PTPRD: variants seen among roughly 807,000 people sequenced by gnomAD.
PTPRD encodes the protein receptor-type tyrosine-protein phosphatase delta.
A neutral mutation model predicts 214.5 loss-of-function variants in PTPRD; 34 were observed. The ratio of observed to expected loss-of-function variants is 0.16; its 90% confidence interval spans 0.12 to 0.21. The LOEUF is 0.21. Among genes scored for constraint, PTPRD ranks in the 10% least tolerant of loss-of-function variants. The pLI is 1.00. For synonymous variants in PTPRD, 1,128 were observed against 845.7 expected (o/e 1.33, Z -5.79); for missense variants, 2,545 against 2,398.7 (o/e 1.06, Z -1.27).
At chr9:8,967,170 A>G (rs1343139336) in intron 11 of PTPRD, among the ~76,000 whole-genome samples, 1 of 151,948 alleles carries the variant, frequency 6.6e-6, no homozygotes, top group Non-Finnish European at 1.5e-5. Context: ...AGGTTGTGGA[A>G]AAAAGGGAAT....
intron 11 of PTPRD, among the ~76,000 whole-genome samples, chr9:8,941,771 G>A (rs1028667788): frequency 1.3e-4 from 19 of 151,034 alleles, no homozygotes; most frequent in Admixed American, 1.0e-3. Context: ...GTTGGTTAAC[G>A]TAAAACAGAT....
chr9:9,587,841 C>G (rs2092255712), intron 7 of PTPRD, among the ~76,000 whole-genome samples: 1 of 151,814 alleles, frequency 6.6e-6, no homozygotes, highest in South Asian at 2.1e-4. Context: ...ATAGTAGGGA[C>G]TGGGATGGGT....
chr9:10,082,519 G>C (rs2098256944), intron 3 of PTPRD, among the ~76,000 whole-genome samples: 1 of 151,986 alleles, frequency 6.6e-6, no homozygotes, highest in South Asian at 2.1e-4. Context: ...AGCAAGTACT[G>C]TGAATTACAA....
At chr9:9,034,056 T>C (rs2154378747) in intron 10 of PTPRD, among the ~76,000 whole-genome samples, 1 of 152,244 alleles carries the variant, frequency 6.6e-6, no homozygotes, top group South Asian at 2.1e-4. Context: ...AAGGCTTAAA[T>C]ATTACTCTTT....
intron 9 of PTPRD, among the ~76,000 whole-genome samples, chr9:9,289,295 C>A (rs776978299): frequency 7.9e-5 from 12 of 151,854 alleles, no homozygotes; most frequent in African/African-American, 2.9e-4. Context: ...TGAAGTCAAG[C>A]AGCTAGCAAC....
intron 5 of PTPRD, among the ~76,000 whole-genome samples, chr9:9,923,659 T>A (rs1364248110): frequency 2.0e-5 from 3 of 152,028 alleles, no homozygotes; most frequent in Non-Finnish European, 4.4e-5. Flanking sequence ...GATCTTTTCA[T>A]AATTGTGAGC....
chr9:8,449,651 A>C, intron 34 of PTPRD, 74 bp downstream of exon 34: 1 of 1,331,656 alleles, frequency 7.5e-7, no homozygotes, highest in Non-Finnish European at 1.1e-6. Context: ...TGATACCTTC[A>C]ACTCTTAATA....
intron 2 of PTPRD, among the ~76,000 whole-genome samples, chr9:10,394,880 T>C (rs1421579454): frequency 6.6e-6 from 1 of 151,874 alleles, no homozygotes; most frequent in Non-Finnish European, 1.5e-5. Flanking sequence ...AAGATAATGC[T>C]TTTATGGTGC....
intron 5 of PTPRD, among the ~76,000 whole-genome samples, chr9:9,852,995 A>T (rs2060834743): frequency 6.6e-6 from 1 of 152,188 alleles, no homozygotes; most frequent in African/African-American, 2.4e-5. Context: ...ACTAAATAGG[A>T]TCACCCTTAT....
chr9:9,214,164 A>G (rs996598057), intron 9 of PTPRD, among the ~76,000 whole-genome samples: 2 of 152,118 alleles, frequency 1.3e-5, no homozygotes, highest in African/African-American at 4.8e-5. Flanking sequence ...TATCCGGGAC[A>G]TTTGTTGATG....
intron 2 of PTPRD, among the ~76,000 whole-genome samples, chr9:10,430,436 G>A (rs1588039786): frequency 6.6e-6 from 1 of 151,728 alleles, no homozygotes; most frequent in African/African-American, 2.4e-5. Flanking sequence ...AGATAGATAC[G>A]TATGTATGTA....
intron 3 of PTPRD, among the ~76,000 whole-genome samples, chr9:10,047,725 T>G (rs1477391380): frequency 3.9e-5 from 6 of 152,148 alleles, no homozygotes; most frequent in Admixed American, 3.9e-4. Flanking sequence ...ATTCTCACAG[T>G]GTTAATTTGT....
intron 3 of PTPRD, among the ~76,000 whole-genome samples, chr9:10,325,219 ACT>A (rs2096622173): frequency 6.6e-6 from 1 of 151,902 alleles, no homozygotes; most frequent in Admixed American, 6.6e-5. Flanking sequence ...TGGGCCTAAG[ACT>A]CTGAATTCCT....
At chr9:8,601,566 A>T (rs1258512133) in intron 14 of PTPRD, among the ~76,000 whole-genome samples, 1 of 152,110 alleles carries the variant, frequency 6.6e-6, no homozygotes, top group African/African-American at 2.4e-5. Flanking sequence ...TGTTTGGGAG[A>T]AAGTAAGGCA....
chr9:8,414,554 T>C (rs1001736237), intron 35 of PTPRD, among the ~76,000 whole-genome samples: 5 of 152,050 alleles, frequency 3.3e-5, no homozygotes, highest in Admixed American at 6.6e-5. Flanking sequence ...TTGGGAGTTA[T>C]AGGGAGAATG....
chr9:9,961,771 A>G (rs1002763359), intron 4 of PTPRD, among the ~76,000 whole-genome samples: 3 of 152,126 alleles, frequency 2.0e-5, no homozygotes, highest in African/African-American at 7.2e-5. Flanking sequence ...ATGATGATCA[A>G]TTATAAAAAT....
chr9:9,129,244 G>T (rs1047708857), intron 10 of PTPRD, among the ~76,000 whole-genome samples: 5 of 152,132 alleles, frequency 3.3e-5, no homozygotes, highest in Admixed American at 2.6e-4. Context: ...ACCAAAATTA[G>T]CCAGGCATGG....
intron 3 of PTPRD, among the ~76,000 whole-genome samples, chr9:10,061,116 T>A (rs2097771769): frequency 1.3e-5 from 2 of 151,770 alleles, no homozygotes; most frequent in South Asian, 4.2e-4. Context: ...GCCAAGGGTA[T>A]GATATATTCC....
At chr9:8,637,348 C>T (rs538069879) in intron 12 of PTPRD, among the ~76,000 whole-genome samples, 5 of 152,090 alleles carry the variant, frequency 3.3e-5, no homozygotes, top group Non-Finnish European at 7.4e-5. Flanking sequence ...TAGAAGGTTT[C>T]GCAAGAAATA....
Sources: gnomAD v4.1 joint callset for allele counts (sites outside exome capture counted in the v4.1 genomes callset) on GRCh38, gnomAD v4.1.1 for gene constraint, MANE v1.5 for transcripts, NCBI Gene and HGNC (gene_info 2026-07-23, HGNC 2026-07-21) for gene names.